Variants in TSPAN14 observed in about 807,000 individuals in gnomAD.
TSPAN14 encodes the protein tetraspanin-14.
TSPAN14 carries 16 observed loss-of-function variants against 36.6 expected under a neutral mutation model. That is an observed-to-expected ratio of 0.44 (90% confidence interval 0.30 to 0.66). The LOEUF (loss-of-function observed/expected upper bound fraction) is 0.66, where lower values mean the gene tolerates loss of function less well. Ranked by LOEUF, TSPAN14 falls within the 30% of genes least tolerant of loss-of-function variation. The probability of loss-of-function intolerance (pLI) is 0.12; values close to 1 mark genes in which losing one functional copy is unlikely to be tolerated. For synonymous variants in TSPAN14, 139 were observed against 143.8 expected (o/e 0.97, Z 0.24); for missense variants, 231 against 355.1 (o/e 0.65, Z 2.81).
intron 2 of TSPAN14, among the ~76,000 whole-genome samples, chr10:80,492,368 T>G (rs1387570112): frequency 6.6e-6 from 1 of 152,270 alleles, no homozygotes; most frequent in Non-Finnish European, 1.5e-5. Flanking sequence ...GAATTAACAG[T>G]GAGCAGTGGT....
In TSPAN14 at chr10:80,509,072, A is replaced by G. The variant is rs911434631; in HGVS notation, c.280-229A>G. On this transcript the variant is annotated intron_variant, in intron 4 of 8. Coordinates refer to ENST00000429989, the Ensembl canonical transcript of TSPAN14. This position sits in a 1 kb window ranked among gnomAD's most constrained non-coding sequence, Gnocchi z 4.7. Reference sequence around the variant, plus strand: ...TTCACGCATTTGAGTGTTATCAGCAATGCAGTGACATGGGTAGGGATAAAT... The same window carrying G: ...TTCACGCATTTGAGTGTTATCAGCAGTGCAGTGACATGGGTAGGGATAAAT... 6.6e-6 allele frequency among the ~76,000 whole-genome samples: 1 copy of G among 152,220 alleles called. No homozygotes were observed. The highest frequency in any genetic ancestry group is 1.5e-5 in the Non-Finnish European group (1 of 68,036).
intron 1 of TSPAN14, among the ~76,000 whole-genome samples, chr10:80,463,961 A>G (rs984162440): frequency 2.0e-5 from 3 of 152,186 alleles, no homozygotes; most frequent in Admixed American, 6.5e-5. Context: ...CGTGACCTCC[A>G]TATTTACAGC....
At chr10:80,505,610 G>A (rs1246033983) in intron 3 of TSPAN14, among the ~76,000 whole-genome samples, 1 of 152,220 alleles carries the variant, frequency 6.6e-6, no homozygotes. Context: ...CATGGTCTTA[G>A]GGACTGGATA....
intron 2 of TSPAN14, among the ~76,000 whole-genome samples, chr10:80,497,069 G>A (rs1055983236): frequency 4.6e-5 from 7 of 152,042 alleles, no homozygotes; most frequent in African/African-American, 1.7e-4. Context: ...TTTTGTGTCT[G>A]ACATCTTTCA....
chr10:80,492,174 C>A (rs1564730842), intron 2 of TSPAN14, among the ~76,000 whole-genome samples: 1 of 152,164 alleles, frequency 6.6e-6, no homozygotes, highest in Non-Finnish European at 1.5e-5. Context: ...AAGCCCTTAC[C>A]TCTTCAGATA....
intron 4 of TSPAN14, 84 bp downstream of exon 4, chr10:80,507,458 A>G: frequency 1.3e-6 from 2 of 1,577,388 alleles, no homozygotes; most frequent in Non-Finnish European, 1.7e-6. Context: ...ACCTGGTCAG[A>G]GCAGGTGGCA....
intron 1 of TSPAN14, among the ~76,000 whole-genome samples, chr10:80,479,509 A>G (rs1847124081): frequency 6.6e-6 from 1 of 152,152 alleles, no homozygotes; most frequent in Admixed American, 6.5e-5. Context: ...CTTTCTACAT[A>G]TGGCTAGCCA....
At chr10:80,518,135 T>C (rs2132072540) in exon 9 of TSPAN14, 2 of 757,856 alleles carry the variant, frequency 2.6e-6, no homozygotes, top group East Asian at 5.4e-5. Context: ...TGCTTGCTGG[T>C]GCTGAAGACC....
chr10:80,479,762 A>C (rs537390063), intron 1 of TSPAN14, among the ~76,000 whole-genome samples: 14 of 151,258 alleles, frequency 9.3e-5, no homozygotes, highest in Admixed American at 7.2e-4. Flanking sequence ...CTTAGGATTG[A>C]CTTGGCGATG....
Position 80,492,028 on chromosome 10 carries a change from C to T in TSPAN14, c.81+2714C>T, listed in dbSNP as rs1043794011. Reference sequence around the variant, plus strand: ...AGCTCACGGTGTAGCAGGAGGGTGCCGGGCTGGCTCTGGGCACCCAGGGCC... The same window carrying T: ...AGCTCACGGTGTAGCAGGAGGGTGCTGGGCTGGCTCTGGGCACCCAGGGCC... On this transcript the variant is annotated intron_variant, in intron 2 of 8. Transcript: ENST00000429989. Among the ~76,000 whole-genome samples the T allele has an allele frequency of 4.6e-5, 7 of 152,234 alleles. No individual in the cohort carries two copies. The East Asian group carries it at 7.7e-4, about 17-fold the overall frequency.
At chr10:80,500,805 C>A (rs113431535) in intron 2 of TSPAN14, among the ~76,000 whole-genome samples, 15 of 152,266 alleles carry the variant, frequency 9.9e-5, no homozygotes, top group African/African-American at 3.6e-4. Flanking sequence ...ATATGCAGAG[C>A]GGTAAGCGGC....
intron 1 of TSPAN14, among the ~76,000 whole-genome samples, chr10:80,477,459 A>G (rs534141695): frequency 6.6e-6 from 1 of 151,270 alleles, no homozygotes; most frequent in Non-Finnish European, 1.5e-5. Context: ...AGGGAGTTGT[A>G]AAAAAGAAAT....
chr10:80,483,036 G>C (rs973096075), intron 1 of TSPAN14, among the ~76,000 whole-genome samples: 2 of 151,904 alleles, frequency 1.3e-5, no homozygotes, highest in African/African-American at 4.8e-5. Flanking sequence ...TGCCCAGCCA[G>C]CCAGTTCACT....
At chr10:80,493,460 C>T (rs1317418801) in intron 2 of TSPAN14, among the ~76,000 whole-genome samples, 1 of 152,190 alleles carries the variant, frequency 6.6e-6, no homozygotes, top group African/African-American at 2.4e-5. Context: ...CACCTATGTG[C>T]ACATTCATAG....
At chr10:80,494,316 A>G (rs1848074702) in intron 2 of TSPAN14, among the ~76,000 whole-genome samples, 1 of 152,236 alleles carries the variant, frequency 6.6e-6, no homozygotes, top group South Asian at 2.1e-4. Context: ...AAAGTCACAG[A>G]TGCCTCCTGT....
intron 1 of TSPAN14, among the ~76,000 whole-genome samples, chr10:80,482,524 G>A (rs530507266): frequency 2.0e-5 from 3 of 150,988 alleles, no homozygotes; most frequent in Non-Finnish European, 2.9e-5. Flanking sequence ...CTGACCTCAA[G>A]TGATCCACCT....
rs182277642 is a variant in TSPAN14 at position 80,515,014 on chromosome 10, G to A, written c.621+951G>A. The stretch of plus-strand genomic sequence containing the variant: ...CCAGTGTCCTGATCTTGAACTTCCC[G>A]GCCTCCAGGACTGTGAGAAATAAAT... On this transcript the variant is annotated intron_variant, in intron 7 of 8. Transcript: ENST00000429989. Among the ~76,000 whole-genome samples the A allele has an allele frequency of 9.9e-5, 15 of 152,200 alleles. No homozygotes were observed. The South Asian group carries it at 1.5e-3, about 15-fold the overall frequency.
At chr10:80,500,281 TAAAAC>T (rs1011058531) in intron 2 of TSPAN14, among the ~76,000 whole-genome samples, 19 of 150,270 alleles carry the variant, frequency 1.3e-4, no homozygotes, top group African/African-American at 4.6e-4. Flanking sequence ...GTTCTTCCTT[TAAAAC>T]AGAATGAAAA....
At chr10:80,491,317 C>T (rs554118795) in intron 2 of TSPAN14, among the ~76,000 whole-genome samples, 2 of 152,176 alleles carry the variant, frequency 1.3e-5, no homozygotes, top group Non-Finnish European at 2.9e-5. Flanking sequence ...CTCAGAGCAG[C>T]ATTGTTCCCT....
Sources: gnomAD v4.1 joint callset for allele counts (sites outside exome capture counted in the v4.1 genomes callset) on GRCh38, gnomAD v4.1.1 for gene constraint, Gnocchi (gnomAD v3.1) non-coding constraint, MANE v1.5 for transcripts, NCBI Gene and HGNC (gene_info 2026-07-23, HGNC 2026-07-21) for gene names.